Variants in TSNARE1 observed in about 807,000 individuals in gnomAD.
TSNARE1 encodes t-SNARE domain containing 1.
TSNARE1 carries 49 observed loss-of-function variants against 62.0 expected under a neutral mutation model. The observed-to-expected ratio is 0.79, with a 90% CI of 0.63 to 1.00. The LOEUF (loss-of-function observed/expected upper bound fraction) is 1.00, where lower values mean the gene tolerates loss of function less well. Among genes scored for constraint, TSNARE1 ranks in the 50% least tolerant of loss-of-function variants. The pLI is 0.00. For synonymous variants in TSNARE1, 328 were observed against 294.4 expected, an observed-to-expected ratio of 1.11 and a Z score of -1.17; for missense variants, 755 against 700.1, an observed-to-expected ratio of 1.08 and a Z score of -0.88.
chr8:142,214,536 G>A lies in TSNARE1; in HGVS notation c.*12-2223C>T, dbSNP rs181033931. On this transcript the variant is annotated intron_variant, in intron 13 of 13. Transcript: ENST00000524325. ...CTGCCAGGCCCAAGGTCTACCTTGC[G>A]CTGGGCCTGGGCTGTTCCCTCTGCT... Among the ~76,000 whole-genome samples the A allele has an allele frequency of 4.9e-3, 738 of 152,116 alleles. 7 individuals carry two copies. The highest frequency in any genetic ancestry group is 0.017 in the African/African-American group (705 of 41,488).
intron 11 of TSNARE1, among the ~76,000 whole-genome samples, chr8:142,281,769 G>A (rs571419969): frequency 5.2e-4 from 79 of 152,152 alleles, no homozygotes; most frequent in African/African-American, 1.5e-3. Context: ...GGGCCTGGGC[G>A]GGGTCACTGG....
At chr8:142,332,817 C>T (rs1353325808) in intron 4 of TSNARE1, among the ~76,000 whole-genome samples, 1 of 152,008 alleles carries the variant, frequency 6.6e-6, no homozygotes, top group African/African-American at 2.4e-5. Context: ...GCCAGCAGTC[C>T]CAGGGTTTAC....
At chr8:142,255,459 C>T (rs1354148994) in intron 12 of TSNARE1, among the ~76,000 whole-genome samples, 5 of 77,202 alleles carry the variant, frequency 6.5e-5, no homozygotes, top group African/African-American at 7.3e-5. Flanking sequence ...CCACCATCAC[C>T]ATCACCATCA....
intron 1 of TSNARE1, among the ~76,000 whole-genome samples, chr8:142,377,937 G>T (rs1366980532): frequency 6.6e-6 from 1 of 152,240 alleles, no homozygotes; most frequent in Non-Finnish European, 1.5e-5. Context: ...AGTGATGTGG[G>T]TAAGTGCTCA....
chr8:142,300,404 G>A (rs1586658922), intron 10 of TSNARE1, 82 bp downstream of exon 10: 2 of 1,476,506 alleles, frequency 1.4e-6, no homozygotes, highest in Non-Finnish European at 1.8e-6. Flanking sequence ...CAATGGTGCA[G>A]CAGGCTGGCA....
chr8:142,274,710 C>G lies in TSNARE1; in HGVS notation c.1446+71G>C. 2.1e-6 allele frequency: 3 copies of G among 1,417,282 alleles called. No individual in the cohort carries two copies. In the Admixed American group the frequency reaches 9.3e-5, roughly 44 times the overall value. 87.8% of individuals were successfully genotyped at this position (1,417,282 alleles called of 1,614,324 possible). A position where few individuals can be genotyped will look rare whatever the true frequency, so the allele number is the denominator to read the frequency against. ...CAGGGCCTGGGCCCCTCCAGACAGA[C>G]GGAGGGAGGGTTGGAGGATAGGGGA... On this transcript the variant is annotated intron_variant, in intron 12 of 13. Transcript: ENST00000524325.
At chr8:142,241,833 C>T (rs112614473) in intron 12 of TSNARE1, among the ~76,000 whole-genome samples, 11 of 151,044 alleles carry the variant, frequency 7.3e-5, no homozygotes, top group Admixed American at 2.6e-4. Context: ...CTCCATCTCA[C>T]GCCGTATACA....
At chr8:142,325,031 G>C (rs1420243141) in intron 6 of TSNARE1, among the ~76,000 whole-genome samples, 1 of 152,220 alleles carries the variant, frequency 6.6e-6, no homozygotes, top group Non-Finnish European at 1.5e-5. Flanking sequence ...TGTAGACCAC[G>C]GCCCAGTTTC....
chr8:142,352,368 C>T (rs941325028), intron 2 of TSNARE1, among the ~76,000 whole-genome samples: 2 of 152,276 alleles, frequency 1.3e-5, no homozygotes, highest in Admixed American at 6.5e-5. Flanking sequence ...CATCACCGTC[C>T]GACACCCCTG....
intron 4 of TSNARE1, among the ~76,000 whole-genome samples, chr8:142,335,080 C>T (rs190937352): frequency 2.6e-5 from 4 of 152,256 alleles, no homozygotes; most frequent in East Asian, 1.9e-4. Flanking sequence ...AACTATGTGC[C>T]GGGGTCATCA....
chr8:142,352,988 T>TC (rs746181061), intron 2 of TSNARE1, among the ~76,000 whole-genome samples: 14 of 152,060 alleles, frequency 9.2e-5, no homozygotes, highest in Non-Finnish European at 1.8e-4. Flanking sequence ...ATAAAATAGA[T>TC]CAAGCAGCTG....
chr8:142,275,354 A>C (rs567074644), intron 11 of TSNARE1: 2 of 985,414 alleles, frequency 2.0e-6, no homozygotes, highest in South Asian at 9.4e-5. Context: ...CGACTCAAGC[A>C]CAGGGAGCTG....
chr8:142,375,793 A>T (rs964550092), intron 1 of TSNARE1, among the ~76,000 whole-genome samples: 1 of 152,222 alleles, frequency 6.6e-6, no homozygotes, highest in Non-Finnish European at 1.5e-5. Flanking sequence ...GCTTCCTAGC[A>T]GCAAGAGCCT....
In TSNARE1 at chr8:142,394,404, A is replaced by C. The variant is rs74736440; in HGVS notation, c.-40+8700T>G. On this transcript the variant is annotated intron_variant, in intron 1 of 13. Transcript: ENST00000524325. Reference sequence around the variant, plus strand: ...TAGCTACAGAATCTTTTCTCCAAACACAACCGTACTCAGAAAACACCAAGT... The same window carrying C: ...TAGCTACAGAATCTTTTCTCCAAACCCAACCGTACTCAGAAAACACCAAGT... 1.7e-3 allele frequency among the ~76,000 whole-genome samples: 261 copies of C among 152,276 alleles called. 6 individuals carry two copies. In the East Asian group the frequency reaches 0.043, roughly 25 times the overall value.
At chr8:142,331,103 C>T (rs1417304113) in intron 5 of TSNARE1, 133 bp from the exon 6 acceptor site, 1 of 738,046 alleles carries the variant, frequency 1.4e-6, no homozygotes, top group Non-Finnish European at 2.3e-6. Context: ...CCAGGGCAGA[C>T]CACCTAAGTG....
chr8:142,356,481 G>A (rs1037931688), intron 1 of TSNARE1, among the ~76,000 whole-genome samples: 2 of 152,234 alleles, frequency 1.3e-5, no homozygotes, highest in Admixed American at 1.3e-4. Context: ...CCGAGTGAGA[G>A]GCAGGTCTCA....
intron 2 of TSNARE1, among the ~76,000 whole-genome samples, chr8:142,352,899 C>T (rs924792616): frequency 2.0e-5 from 3 of 152,190 alleles, no homozygotes; most frequent in Admixed American, 2.0e-4. Flanking sequence ...TGTGTCTACA[C>T]CCCACGCACA....
intron 1 of TSNARE1, among the ~76,000 whole-genome samples, chr8:142,358,672 A>C (rs989205179): frequency 1.3e-5 from 2 of 151,812 alleles, no homozygotes; most frequent in African/African-American, 2.4e-5. Flanking sequence ...CAGGCAGAGG[A>C]GGCCAGTCTG....
intron 6 of TSNARE1, among the ~76,000 whole-genome samples, chr8:142,328,792 G>C (rs143508188): frequency 3.4e-5 from 5 of 149,076 alleles, no homozygotes; most frequent in African/African-American, 5.0e-5. Flanking sequence ...GGACTCCAGC[G>C]TGGGGGTCTG....
Sources: allele counts gnomAD v4.1 joint callset (sites outside exome capture counted in the v4.1 genomes callset), GRCh38; gene constraint gnomAD v4.1.1; transcripts MANE v1.5; gene names NCBI Gene and HGNC (gene_info 2026-07-23, HGNC 2026-07-21).